The following TBC1D23 variants were observed in gnomAD, a reference collection of about 807,000 sequenced individuals.
The protein encoded by TBC1D23 is HCV non-structural protein 4A-transactivated protein 1.
A neutral mutation model predicts 91.4 loss-of-function variants in TBC1D23; 55 were observed. That is an observed-to-expected ratio of 0.60 (90% CI 0.48 to 0.75). The LOEUF (loss-of-function observed/expected upper bound fraction) is 0.75. TBC1D23 is among the 30% of genes least tolerant of loss of function. TBC1D23 has a pLI of 0.00. For missense variants in TBC1D23, 725 were observed against 836.1 expected (o/e 0.87, Z 1.64); for synonymous variants, 289 against 281.0 (o/e 1.03, Z -0.28).
At chr3:100,300,838 C>T (rs72938993) in intron 10 of TBC1D23, among the ~76,000 whole-genome samples, 2,709 of 152,120 alleles carry the variant, frequency 0.018, 72 homozygotes, top group African/African-American at 0.061. Flanking sequence ...TATCAGCTTA[C>T]GTAATCTTCC....
chr3:100,280,376 T>A (rs761692969), intron 2 of TBC1D23, among the ~76,000 whole-genome samples: 5 of 152,246 alleles, frequency 3.3e-5, no homozygotes, highest in Non-Finnish European at 5.9e-5. Flanking sequence ...GGCTGTTGGG[T>A]TATAGGAGAT....
At chr3:100,321,110 T>G (rs1260403546) in intron 18 of TBC1D23, 139 bp downstream of exon 18, 2 of 645,010 alleles carry the variant, frequency 3.1e-6, no homozygotes, top group Non-Finnish European at 5.1e-6. Context: ...GTGTTTCTTA[T>G]CTCTTTCTCC....
intron 1 of TBC1D23, among the ~76,000 whole-genome samples, chr3:100,262,408 A>G (rs1453643686): frequency 6.6e-6 from 1 of 152,130 alleles, no homozygotes; most frequent in Non-Finnish European, 1.5e-5. Context: ...TGTAATTTAA[A>G]ATTATGTAGT....
At chr3:100,306,911 A>T (rs1023660124) in intron 13 of TBC1D23, among the ~76,000 whole-genome samples, 33 of 152,180 alleles carry the variant, frequency 2.2e-4, no homozygotes, top group Non-Finnish European at 7.4e-5. Flanking sequence ...AAGCAAGCTG[A>T]TTCCAGGCAT....
intron 10 of TBC1D23, among the ~76,000 whole-genome samples, chr3:100,300,191 C>G (rs1041371143): frequency 4.6e-5 from 7 of 152,154 alleles, no homozygotes; most frequent in African/African-American, 1.7e-4. Flanking sequence ...AGGCTAACAT[C>G]ATTTAAGCCA....
At position 100,281,872 on chromosome 3, in the gene TBC1D23, C is replaced by G. The variant is rs776658324; in HGVS notation, c.271+25C>G. 6 of 1,461,316 alleles carry G rather than the reference C, an allele frequency of 4.1e-6. No homozygotes were observed. The Admixed American group carries it at 1.1e-4, about 27-fold the overall frequency. The allele number at this position is 1,461,316 out of a possible 1,614,324, so 90.5% of individuals were successfully genotyped here. On this transcript the variant is annotated intron_variant, in intron 3 of 18. Transcript: ENST00000394144. ...GGTAAGCTGAATAATCACTTTCAAG[C>G]AGAGTTAAATTTTGGAAATAATTTT...
intron 3 of TBC1D23, 145 bp downstream of exon 3, chr3:100,281,992 T>A: frequency 1.9e-6 from 1 of 521,100 alleles, no homozygotes; most frequent in Non-Finnish European, 3.4e-6. Flanking sequence ...GAAATTCTTA[T>A]GAAATATTGT....
chr3:100,313,872 G>A (rs1705675648), intron 15 of TBC1D23, among the ~76,000 whole-genome samples: 2 of 152,104 alleles, frequency 1.3e-5, no homozygotes, highest in South Asian at 4.1e-4. Flanking sequence ...TATCTCTCAT[G>A]AGCATAGTTT....
chr3:100,275,363 C>G (rs890049753), intron 1 of TBC1D23, among the ~76,000 whole-genome samples: 14 of 152,188 alleles, frequency 9.2e-5, no homozygotes, highest in African/African-American at 3.4e-4. Context: ...CTTGGCCTTA[C>G]TGCAGCCTCT....
At position 100,299,232 on chromosome 3, in the gene TBC1D23, G is replaced by A. The variant is rs374917241; in HGVS notation, c.1000-7G>A. ...TTCCTGTATGTCAAATGTTGTTTCC[G>A]TTTTAGGAAGGAGTCCGGTTCTTTG... On this transcript the variant is annotated splice_polypyrimidine_tract_variant and splice_region_variant and intron_variant, in intron 9 of 18. Coordinates refer to ENST00000394144, the MANE Select transcript of TBC1D23 (RefSeq NM_001199198.3). The A allele has an allele frequency of 2.5e-6, 4 of 1,605,062 alleles. No homozygotes were observed. Among genetic ancestry groups the A allele is most frequent in the African/African-American group, 1.3e-5 (1 of 74,650 alleles).
Position 100,261,744 on chromosome 3 carries a change from TG to T in TBC1D23, c.53+678del, listed in dbSNP as rs1268750744. ...CTTACCTGATTTATACTCGGGATTGTGGGGGAAGACCGCCAATAATTTTTTG... is the reference window on the plus strand; with the variant it reads ...CTTACCTGATTTATACTCGGGATTGTGGGGAAGACCGCCAATAATTTTTTG... On this transcript the variant is annotated intron_variant, in intron 1 of 18. Transcript: ENST00000394144. Among the ~76,000 whole-genome samples the T allele has an allele frequency of 5.9e-5, 9 of 152,164 alleles. No individual in the cohort carries two copies. The East Asian group carries it at 1.7e-3, about 29-fold the overall frequency.
chr3:100,318,973 T>A, intron 16 of TBC1D23, 96 bp from the exon 17 acceptor site: 1 of 754,940 alleles, frequency 1.3e-6, no homozygotes. Context: ...TCAATCCATA[T>A]CTTCAAAATA....
At chr3:100,275,347 T>C (rs2067640300) in intron 1 of TBC1D23, among the ~76,000 whole-genome samples, 1 of 152,098 alleles carries the variant, frequency 6.6e-6, no homozygotes, top group South Asian at 2.1e-4. Flanking sequence ...AGTGCAGTGG[T>C]ATGATCTTGG....
chr3:100,299,725 G>A (rs1265567076), intron 10 of TBC1D23, among the ~76,000 whole-genome samples: 1 of 152,136 alleles, frequency 6.6e-6, no homozygotes, highest in African/African-American at 2.4e-5. Context: ...TGGCCAGGCT[G>A]GTCTCGAACT....
chr3:100,270,497 G>A (rs2067591379), intron 1 of TBC1D23, among the ~76,000 whole-genome samples: 1 of 152,064 alleles, frequency 6.6e-6, no homozygotes, highest in Non-Finnish European at 1.5e-5. Flanking sequence ...GTAAAAGGAA[G>A]GAGAGAGATG....
chr3:100,314,171 T>C (rs1705686494), intron 15 of TBC1D23, among the ~76,000 whole-genome samples: 1 of 141,904 alleles, frequency 7.0e-6, no homozygotes, highest in Admixed American at 7.9e-5. Flanking sequence ...CAATCTCGGC[T>C]CACTGCAACC....
chr3:100,261,105 C>G, intron 1 of TBC1D23, 34 bp downstream of exon 1: 2 of 1,596,858 alleles, frequency 1.3e-6, no homozygotes, highest in Non-Finnish European at 1.7e-6. Context: ...TCCAATGCCC[C>G]TTTATTCTTC....
Position 100,323,668 on chromosome 3 carries a change from A to G in TBC1D23, c.2100A>G (p.Ter700=). Residue 700 remains the stop codon, a stop_retained_variant, in exon 19 of 19, where the codon TAA becomes TAG. Transcript: ENST00000394144. Reference sequence around the variant, plus strand: ...AAGTTTTGGATGCTTTGGAAAGTTAATATAAAAGAAAATTATATAAAAAGA... The same window carrying G: ...AAGTTTTGGATGCTTTGGAAAGTTAGTATAAAAGAAAATTATATAAAAAGA... The part of the protein sequence containing the change: ...IMKVLDALES[*] 1.4e-6 allele frequency: 2 copies of G among 1,477,076 alleles called. No individual in the cohort carries two copies. The highest frequency in any genetic ancestry group is 2.1e-5 in the Admixed American group (1 of 48,662). 91.5% of individuals were successfully genotyped at this position (1,477,076 alleles called of 1,614,324 possible). A position where few individuals can be genotyped will look rare whatever the true frequency, so the allele number is the denominator to read the frequency against.
intron 10 of TBC1D23, among the ~76,000 whole-genome samples, chr3:100,300,122 A>C (rs1705397214): frequency 6.6e-6 from 1 of 152,220 alleles, no homozygotes; most frequent in Non-Finnish European, 1.5e-5. Context: ...ATCCTAGGTC[A>C]TTTAATTTGA....
Sources: gnomAD v4.1 joint callset for allele counts (sites outside exome capture counted in the v4.1 genomes callset) on GRCh38, gnomAD v4.1.1 for gene constraint, MANE v1.5 for transcripts, NCBI Gene and HGNC (gene_info 2026-07-23, HGNC 2026-07-21) for gene names.